The following DISC1 variants were observed in gnomAD, a reference collection of about 807,000 sequenced individuals.
DISC1 encodes DISC1 scaffold protein.
A neutral mutation model predicts 84.5 loss-of-function variants in DISC1; 57 were observed. The observed-to-expected ratio is 0.67, with a 90% confidence interval of 0.55 to 0.84. The LOEUF is 0.84. Among genes scored for constraint, DISC1 ranks in the 40% least tolerant of loss-of-function variants. DISC1 has a pLI of 0.00. For missense variants in DISC1, 1,000 were observed against 1,057.8 expected, an observed-to-expected ratio of 0.95 and a Z score of 0.76; for synonymous variants, 411 against 415.2, an observed-to-expected ratio of 0.99 and a Z score of 0.12.
intron 9 of DISC1, among the ~76,000 whole-genome samples, chr1:231,832,260 G>T (rs1357842275): frequency 3.3e-5 from 5 of 152,008 alleles, no homozygotes; most frequent in African/African-American, 4.8e-5. Context: ...GATTTTGAGG[G>T]CCTCTAAAAG....
At chr1:231,843,080 C>T (rs539045511) in intron 9 of DISC1, among the ~76,000 whole-genome samples, 14 of 151,994 alleles carry the variant, frequency 9.2e-5, no homozygotes, top group East Asian at 3.9e-4. Context: ...AAACAGACAA[C>T]GGCAGTACAG....
chr1:231,885,385 A>G (rs1375544449), intron 9 of DISC1, among the ~76,000 whole-genome samples: 1 of 152,316 alleles, frequency 6.6e-6, no homozygotes, highest in African/African-American at 2.4e-5. Context: ...TAGTTTTAGC[A>G]TTTTTGAGCT....
intron 10 of DISC1, among the ~76,000 whole-genome samples, chr1:231,994,144 T>C (rs1665592676): frequency 6.6e-6 from 1 of 152,182 alleles, no homozygotes; most frequent in African/African-American, 2.4e-5. Flanking sequence ...GAGTCATAAA[T>C]TTGGGAAGGT....
chr1:231,801,188 A>C (rs1221712722), intron 8 of DISC1, among the ~76,000 whole-genome samples: 1 of 152,200 alleles, frequency 6.6e-6, no homozygotes, highest in Non-Finnish European at 1.5e-5. Flanking sequence ...TATTATTTAC[A>C]ACCAGTAGAA....
intron 11 of DISC1, among the ~76,000 whole-genome samples, chr1:232,020,647 C>T (rs1482520213): frequency 1.3e-5 from 2 of 152,206 alleles, no homozygotes; most frequent in African/African-American, 4.8e-5. Context: ...TGGCTTACAA[C>T]TCACTATTTT....
intron 9 of DISC1, among the ~76,000 whole-genome samples, chr1:231,912,337 G>T (rs2089274704): frequency 6.6e-6 from 1 of 152,176 alleles, no homozygotes; most frequent in African/African-American, 2.4e-5. Context: ...CTTTGATGAT[G>T]GTGATGTACA....
At chr1:231,993,111 G>A (rs1191276624) in intron 10 of DISC1, among the ~76,000 whole-genome samples, 7 of 152,118 alleles carry the variant, frequency 4.6e-5, no homozygotes. Flanking sequence ...CATGAGCCTT[G>A]AGATGGGCCT....
At chr1:231,683,323 G>T (rs940565078) in intron 1 of DISC1, among the ~76,000 whole-genome samples, 2 of 152,060 alleles carry the variant, frequency 1.3e-5, no homozygotes, top group Non-Finnish European at 2.9e-5. Context: ...CACCTGGATA[G>T]TGTCAAGAAG....
intron 6 of DISC1, among the ~76,000 whole-genome samples, chr1:231,772,374 A>G (rs558561480): frequency 6.6e-6 from 1 of 152,228 alleles, no homozygotes; most frequent in African/African-American, 2.4e-5. Context: ...AAGGACTGCA[A>G]GTGCTACGTG....
At chr1:231,800,022 C>T (rs1442789195) in intron 7 of DISC1, 86 bp from the exon 8 acceptor site, 2 of 959,774 alleles carry the variant, frequency 2.1e-6, no homozygotes, top group Admixed American at 1.9e-5. Flanking sequence ...TACTTACAAA[C>T]CCAGAAATCT....
chr1:232,034,106 A>C (rs533482553), intron 12 of DISC1, among the ~76,000 whole-genome samples: 1 of 152,260 alleles, frequency 6.6e-6, no homozygotes, highest in East Asian at 1.9e-4. Context: ...GTTAGAGAGA[A>C]GTACTTTGCA....
chr1:231,733,155 G>GATT (rs1445469804), intron 3 of DISC1, among the ~76,000 whole-genome samples: 1 of 152,030 alleles, frequency 6.6e-6, no homozygotes, highest in Non-Finnish European at 1.5e-5. Context: ...GAGTGATGGT[G>GATT]GTGATGGTAG....
chr1:231,896,764 A>G (rs1307496308), intron 9 of DISC1, among the ~76,000 whole-genome samples: 1 of 152,228 alleles, frequency 6.6e-6, no homozygotes, highest in Non-Finnish European at 1.5e-5. Context: ...TTGTATCTAA[A>G]GCACCAACAT....
intron 9 of DISC1, among the ~76,000 whole-genome samples, chr1:231,866,299 C>T (rs1255636041): frequency 6.6e-6 from 1 of 152,138 alleles, no homozygotes; most frequent in Non-Finnish European, 1.5e-5. Flanking sequence ...ACTAATTAGG[C>T]AACTGTAGGC....
rs113468531 is a variant in DISC1, at chr1:231,761,311, C to G, written c.1269-5829C>G. Among the ~76,000 whole-genome samples the G allele has an allele frequency of 2.2e-3, 328 of 152,230 alleles. 1 individual carries two copies. The highest frequency in any genetic ancestry group is 2.4e-3 in the Non-Finnish European group (166 of 68,026). On this transcript the variant is annotated intron_variant, in intron 4 of 12. Coordinates refer to ENST00000439617, the MANE Select transcript of DISC1 (RefSeq NM_018662.3). ...TTATAGCAGCGATGCTAATTTGCAG[C>G]GACATCAGGGATTACACTTTGAGAA...
rs899780119 is a variant in DISC1, at chr1:231,715,884, G to A, written c.1117+13860G>A. On this transcript the variant is annotated intron_variant, in intron 3 of 12. Coordinates refer to ENST00000439617, the MANE Select transcript of DISC1 (RefSeq NM_018662.3). ...TAACTGTCTCTGTACCTCTGGATGA[G>A]GACAGCTCAGCCGGGAATGGAGGGG... Among the ~76,000 whole-genome samples, 8 of 152,310 alleles carry A rather than the reference G, an allele frequency of 5.3e-5. No individual in the cohort carries two copies. The South Asian group carries it at 1.5e-3, about 28-fold the overall frequency.
chr1:231,987,995 G>T (rs1664685985), intron 10 of DISC1, among the ~76,000 whole-genome samples: 1 of 152,132 alleles, frequency 6.6e-6, no homozygotes, highest in Admixed American at 6.5e-5. Context: ...AGAGCAGCCT[G>T]ACCAATATGG....
At chr1:231,821,915 G>C (rs2081529521) in intron 9 of DISC1, among the ~76,000 whole-genome samples, 1 of 151,920 alleles carries the variant, frequency 6.6e-6, no homozygotes, top group South Asian at 2.1e-4. Context: ...TGGCCAGGCT[G>C]GTCTCAAACT....
chr1:231,667,300 C>G (rs1317181193), intron 1 of DISC1, among the ~76,000 whole-genome samples: 1 of 152,240 alleles, frequency 6.6e-6, no homozygotes, highest in African/African-American at 2.4e-5. Context: ...TACAGTCTGT[C>G]TGACTTCATT....
Sources: gnomAD v4.1 joint callset for allele counts (sites outside exome capture counted in the v4.1 genomes callset) on GRCh38, gnomAD v4.1.1 for gene constraint, MANE v1.5 for transcripts, NCBI Gene and HGNC (gene_info 2026-07-23, HGNC 2026-07-21) for gene names.